The following TCF12 variants were observed in gnomAD, a reference collection of about 807,000 sequenced individuals.
TCF12 encodes the protein DNA-binding protein HTF4.
In TCF12, 45 loss-of-function variants were observed where a neutral mutation model predicts 86.0. That is an observed-to-expected ratio of 0.52 (90% CI 0.41 to 0.67). TCF12 has a LOEUF of 0.67. TCF12 is among the 30% of genes least tolerant of loss of function. TCF12 has a pLI of 0.00. For missense variants in TCF12, 881 were observed against 859.9 expected (o/e 1.02, Z -0.31); for synonymous variants, 330 against 299.6 (o/e 1.10, Z -1.05).
At chr15:57,002,005 T>C (rs2064069382) in intron 3 of TCF12, among the ~76,000 whole-genome samples, 1 of 152,218 alleles carries the variant, frequency 6.6e-6, no homozygotes, top group Middle Eastern at 3.2e-3. Context: ...GCCTTGAATT[T>C]GAATTTGAGA....
intron 5 of TCF12, among the ~76,000 whole-genome samples, chr15:57,165,130 ATGTCTGTG>A (rs1567547260): frequency 1.2e-5 from 1 of 82,752 alleles, no homozygotes; most frequent in African/African-American, 4.0e-5. Flanking sequence ...GAAGGAATGT[ATGTCTGTG>A]TGTGTGTGTG....
At chr15:57,035,867 GCAAA>G (rs1202395919) in intron 3 of TCF12, among the ~76,000 whole-genome samples, 3 of 152,170 alleles carry the variant, frequency 2.0e-5, no homozygotes, top group Admixed American at 1.3e-4. Flanking sequence ...TGAGTGGCAA[GCAAA>G]CAAACATTAT....
chr15:56,970,635 A>AT (rs1251845393), intron 3 of TCF12, among the ~76,000 whole-genome samples: 1 of 152,164 alleles, frequency 6.6e-6, no homozygotes, highest in Non-Finnish European at 1.5e-5. Context: ...GTTTTTCTCT[A>AT]TATCTCAAAT....
intron 5 of TCF12, among the ~76,000 whole-genome samples, chr15:57,107,548 A>G (rs1267718512): frequency 6.6e-6 from 1 of 152,070 alleles, no homozygotes; most frequent in Admixed American, 6.6e-5. Flanking sequence ...CCAAGAGTAA[A>G]CCCTAATGTA....
At chr15:57,112,324 G>C (rs1163495997) in intron 5 of TCF12, among the ~76,000 whole-genome samples, 1 of 152,216 alleles carries the variant, frequency 6.6e-6, no homozygotes, top group African/African-American at 2.4e-5. Context: ...CCAAGTCTCA[G>C]GCAGTTTTTT....
chr15:57,166,161 C>G (rs2054877551), intron 5 of TCF12, among the ~76,000 whole-genome samples: 1 of 152,152 alleles, frequency 6.6e-6, no homozygotes, highest in African/African-American at 2.4e-5. Context: ...AAGCAGTCCT[C>G]CCACCTCAGC....
At chr15:57,031,672 G>A (rs1482761704) in intron 3 of TCF12, among the ~76,000 whole-genome samples, 2 of 152,142 alleles carry the variant, frequency 1.3e-5, no homozygotes, top group African/African-American at 4.8e-5. Context: ...CAAAATACCA[G>A]CAAACCTCCA....
intron 3 of TCF12, among the ~76,000 whole-genome samples, chr15:56,959,633 A>T (rs1203866666): frequency 6.6e-6 from 1 of 152,222 alleles, no homozygotes; most frequent in Non-Finnish European, 1.5e-5. Flanking sequence ...AGTCTAATCC[A>T]ATGTAAATTG....
chr15:56,945,784 T>C (rs1416728060), intron 3 of TCF12, among the ~76,000 whole-genome samples: 5 of 152,210 alleles, frequency 3.3e-5, no homozygotes, highest in Non-Finnish European at 7.3e-5. Context: ...GGTATATTGT[T>C]AAGAAGTGAT....
chr15:57,070,757 T>C (rs1430142060), intron 4 of TCF12, among the ~76,000 whole-genome samples: 1 of 152,188 alleles, frequency 6.6e-6, no homozygotes, highest in Non-Finnish European at 1.5e-5. Flanking sequence ...AGAACCTTGG[T>C]TTTTCTAATG....
At chr15:56,957,639 T>C (rs1470414327) in intron 3 of TCF12, among the ~76,000 whole-genome samples, 1 of 152,232 alleles carries the variant, frequency 6.6e-6, no homozygotes, top group Non-Finnish European at 1.5e-5. Flanking sequence ...CATCCTTGTC[T>C]GTTGATTCTA....
Position 57,022,202 on chromosome 15 carries a change from T to G in TCF12, c.149-41548T>G, listed in dbSNP as rs577791636. ...CATTTATATTAAGTATTTCTCTTAA[T>G]GCTGTCCCTCCCCCAGCTCCCCACC... On this transcript the variant is annotated intron_variant, in intron 3 of 20. Coordinates refer to ENST00000333725, the MANE Select transcript of TCF12 (RefSeq NM_207037.2). 3.6e-3 allele frequency among the ~76,000 whole-genome samples: 554 copies of G among 152,242 alleles called. 5 individuals are homozygous for G. The highest frequency in any genetic ancestry group is 0.013 in the African/African-American group (527 of 41,540).
chr15:57,285,553 A>C (rs1355743929), intron 20 of TCF12, among the ~76,000 whole-genome samples: 1 of 152,196 alleles, frequency 6.6e-6, no homozygotes, highest in African/African-American at 2.4e-5. Context: ...CTCAGTTTAG[A>C]TGAAATAAAT....
chr15:56,955,805 G>C (rs1055541343), intron 3 of TCF12, among the ~76,000 whole-genome samples: 4 of 152,000 alleles, frequency 2.6e-5, no homozygotes, highest in Non-Finnish European at 5.9e-5. Flanking sequence ...CTGTTTTGGA[G>C]ATCTATCAAT....
Position 57,043,826 on chromosome 15 carries a change from T to C in TCF12, c.149-19924T>C, listed in dbSNP as rs981418455. On this transcript the variant is annotated intron_variant, in intron 3 of 20. Coordinates refer to ENST00000333725, the MANE Select transcript of TCF12 (RefSeq NM_207037.2). ...ATTTTTAACTTATAAACTTCAGAAA[T>C]TTTGGAAGATAGTGAAAGGAAGAAA... Among the ~76,000 whole-genome samples the C allele has an allele frequency of 2.0e-5, 3 of 152,180 alleles. No homozygotes were observed. In the East Asian group the frequency reaches 5.8e-4, roughly 29 times the overall value.
At chr15:56,933,641 G>A (rs2060342460) in intron 3 of TCF12, among the ~76,000 whole-genome samples, 1 of 152,136 alleles carries the variant, frequency 6.6e-6, no homozygotes, top group Non-Finnish European at 1.5e-5. Context: ...TGAGGGTGTT[G>A]TGATAATGAG....
Position 57,003,611 on chromosome 15 carries a change from G to A in TCF12, c.149-60139G>A, listed in dbSNP as rs1312242409. On this transcript the variant is annotated intron_variant, in intron 3 of 20. Coordinates refer to ENST00000333725, the MANE Select transcript of TCF12 (RefSeq NM_207037.2). ...GACTCTTGTTTACATTATAAGAGCT[G>A]AAGCAAGAAAGCCTATTCGTTGTCT... Among the ~76,000 whole-genome samples the A allele has an allele frequency of 2.0e-5, 3 of 152,216 alleles. No individual in the cohort carries two copies. The East Asian group carries it at 5.8e-4, about 29-fold the overall frequency.
intron 3 of TCF12, among the ~76,000 whole-genome samples, chr15:56,925,672 A>G (rs555316410): frequency 1.3e-5 from 2 of 152,368 alleles, no homozygotes; most frequent in South Asian, 4.1e-4. Flanking sequence ...AAGTAGCACT[A>G]TTAGAAAGGC....
At chr15:56,931,653 A>T (rs1210772398) in intron 3 of TCF12, among the ~76,000 whole-genome samples, 1 of 152,226 alleles carries the variant, frequency 6.6e-6, no homozygotes, top group Non-Finnish European at 1.5e-5. Flanking sequence ...TAGTAGCATG[A>T]TGCTTATTCC....
Sources: gnomAD v4.1 joint callset for allele counts (sites outside exome capture counted in the v4.1 genomes callset) on GRCh38, gnomAD v4.1.1 for gene constraint, MANE v1.5 for transcripts, NCBI Gene and HGNC (gene_info 2026-07-23, HGNC 2026-07-21) for gene names.